Variants in COL6A5 observed in about 807,000 individuals in gnomAD.
COL6A5 encodes the protein collagen alpha-5(VI) chain.
Under a neutral mutation model 65.6 loss-of-function variants are expected in COL6A5, and 48 were observed. That is an observed-to-expected ratio of 0.73 (90% CI 0.58 to 0.93). The LOEUF (loss-of-function observed/expected upper bound fraction) is 0.93. Ranked by LOEUF, COL6A5 falls within the 40% of genes least tolerant of loss-of-function variation. The pLI, the probability that COL6A5 is intolerant of heterozygous loss-of-function variation, is 0.00. For missense variants in COL6A5, 914 were observed against 928.3 expected (o/e 0.98, Z 0.20); for synonymous variants, 291 against 322.8 (o/e 0.90, Z 1.05).
upstream of COL6A5, chr3:130,429,461 T>C: frequency 1.2e-6 from 1 of 863,094 alleles, no homozygotes. Flanking sequence ...ATTAGCCTCA[T>C]TTGCAGTTAG....
chr3:130,440,858 T>C lies in COL6A5; in HGVS notation c.1241+33T>C, dbSNP rs761683938. 10 of 1,516,990 alleles carry C rather than the reference T, an allele frequency of 6.6e-6. No individual in the cohort carries two copies. The South Asian group carries it at 1.1e-4, about 16-fold the overall frequency. 94.0% of individuals were successfully genotyped at this position (1,516,990 alleles called of 1,614,324 possible). On this transcript the variant is annotated intron_variant, in intron 3 of 7. Transcript: ENST00000512836. ...ATTATTTCATTGTTTGTCTTTTTTT[T>C]AATAAGCTAGTGTTTGTTAATACAG...
At chr3:130,391,031 A>G in intron 6 of COL6A5, 148 bp from the exon 7 acceptor site, 1 of 648,552 alleles carries the variant, frequency 1.5e-6, no homozygotes, top group South Asian at 2.1e-5. Context: ...TTTCTGTAAA[A>G]TGGCAGCAGC....
intron 12 of COL6A5, among the ~76,000 whole-genome samples, chr3:130,402,262 C>G (rs1436680030): frequency 6.6e-6 from 1 of 152,090 alleles, no homozygotes; most frequent in African/African-American, 2.4e-5. Flanking sequence ...TAACGAGACC[C>G]CATCTCCTTA....
upstream of COL6A5, among the ~76,000 whole-genome samples, chr3:130,428,217 C>A (rs976161696): frequency 2.0e-5 from 3 of 152,118 alleles, no homozygotes; most frequent in African/African-American, 4.8e-5. Flanking sequence ...TTGGATAACA[C>A]GGAACTCCAG....
chr3:130,397,691 A>G (rs901338650), exon 9 of COL6A5: 1 of 1,551,594 alleles, frequency 6.4e-7, no homozygotes, highest in Non-Finnish European at 8.7e-7. Context: ...GGCATCTTAG[A>G]AGACATCAGC....
At chr3:130,426,428 GC>G (rs755260414) in intron 31 of COL6A5, 25 bp downstream of exon 31, 64 of 1,550,364 alleles carry the variant, frequency 4.1e-5, no homozygotes, top group Admixed American at 5.9e-5. Context: ...CGGAACAAGA[GC>G]ATCCATCAAT....
chr3:130,380,115 G>C (rs1935946212), intron 4 of COL6A5, 65 bp downstream of exon 4: 1 of 1,177,326 alleles, frequency 8.5e-7, no homozygotes, highest in African/African-American at 1.6e-5. Context: ...GGACTAGGGT[G>C]GGAGTGAGGA....
chr3:130,440,973 G>A, intron 3 of COL6A5, 148 bp downstream of exon 35: 1 of 704,874 alleles, frequency 1.4e-6, no homozygotes, highest in Non-Finnish European at 2.3e-6. Flanking sequence ...ATCATTTGCT[G>A]GTTATACCCT....
intron 1 of COL6A5, among the ~76,000 whole-genome samples, chr3:130,364,110 C>T (rs1169229744): frequency 6.6e-6 from 1 of 152,148 alleles, no homozygotes; most frequent in Non-Finnish European, 1.5e-5. Flanking sequence ...TTAATCGTTG[C>T]ACTGGGACCA....
At chr3:130,450,424 T>C (rs1450996566) in intron 4 of COL6A5, among the ~76,000 whole-genome samples, 1 of 152,150 alleles carries the variant, frequency 6.6e-6, no homozygotes, top group Admixed American at 6.5e-5. Flanking sequence ...TATGACCAAG[T>C]TGGCCACAAG....
chr3:130,349,412 A>G (rs984888090), intron 1 of COL6A5, among the ~76,000 whole-genome samples: 4 of 152,344 alleles, frequency 2.6e-5, no homozygotes, highest in Non-Finnish European at 5.9e-5. Context: ...GCTAACTTAT[A>G]TAATTGAAGT....
At chr3:130,398,729 G>A (rs1936704354) in intron 10 of COL6A5, among the ~76,000 whole-genome samples, 1 of 152,156 alleles carries the variant, frequency 6.6e-6, no homozygotes, top group Admixed American at 6.5e-5. Flanking sequence ...GGGGGCAGGG[G>A]CAACTATGAT....
At chr3:130,418,813 G>C in intron 24 of COL6A5, 56 bp from the exon 25 acceptor site, 1 of 1,388,600 alleles carries the variant, frequency 7.2e-7, no homozygotes, top group Non-Finnish European at 1.0e-6. Context: ...AACTTACCGT[G>C]GTAGGAACCA....
At chr3:130,350,917 A>G (rs1490939672) in intron 1 of COL6A5, among the ~76,000 whole-genome samples, 1 of 152,254 alleles carries the variant, frequency 6.6e-6, no homozygotes, top group Admixed American at 6.5e-5. Flanking sequence ...AAACTATACT[A>G]CAAGGCTACA....
chr3:130,425,781 A>G (rs16827633), intron 29 of COL6A5, among the ~76,000 whole-genome samples: 5,929 of 151,964 alleles, frequency 0.039, 405 homozygotes, highest in African/African-American at 0.13. Flanking sequence ...TGTGCTTTAC[A>G]CTCTTGATGC....
chr3:130,483,912 C>T (rs901949367), intron 7 of COL6A5, 123 bp from the exon 41 acceptor site: 5 of 755,972 alleles, frequency 6.6e-6, no homozygotes, highest in Non-Finnish European at 1.1e-5. Context: ...CTATTTTGAC[C>T]ATTGAAAATG....
chr3:130,412,842 A>T (rs1363654052), intron 20 of COL6A5, among the ~76,000 whole-genome samples: 1 of 152,200 alleles, frequency 6.6e-6, no homozygotes, highest in Non-Finnish European at 1.5e-5. Flanking sequence ...TGGGCAGTTG[A>T]AAGAAAACAG....
upstream of COL6A5, chr3:130,431,164 G>A: frequency 1.5e-6 from 1 of 665,900 alleles, no homozygotes; most frequent in Non-Finnish European, 2.7e-6. Context: ...TCAGGACACA[G>A]AAGAGTTCCA....
At chr3:130,395,533 A>C in intron 8 of COL6A5, 68 bp downstream of exon 8, 1 of 1,151,524 alleles carries the variant, frequency 8.7e-7, no homozygotes, top group Non-Finnish European at 1.2e-6. Context: ...AGAGTGTCTT[A>C]TGGGCTAGCT....
Sources: gnomAD v4.1 joint callset for allele counts (sites outside exome capture counted in the v4.1 genomes callset) on GRCh38, gnomAD v4.1.1 for gene constraint, MANE v1.5 for transcripts, NCBI Gene and HGNC (gene_info 2026-07-23, HGNC 2026-07-21) for gene names.